The following UNKL variants were observed in gnomAD, a reference collection of about 807,000 sequenced individuals.
UNKL encodes the protein unk like zinc finger, also known as putative E3 ubiquitin-protein ligase UNKL.
A neutral mutation model predicts 78.0 loss-of-function variants in UNKL; 60 were observed. That is an observed-to-expected ratio of 0.77 (90% confidence interval 0.63 to 0.95). UNKL has a LOEUF of 0.95. Ranked by LOEUF, UNKL falls within the 40% of genes least tolerant of loss-of-function variation. The pLI is 0.00. For missense variants in UNKL, 1,159 were observed against 1,045.7 expected, an observed-to-expected ratio of 1.11 and a Z score of -1.49; for synonymous variants, 608 against 474.8, an observed-to-expected ratio of 1.28 and a Z score of -3.65.
intron 5 of UNKL, chr16:1,398,864 G>C (rs759978868): frequency 4.1e-5 from 65 of 1,575,448 alleles, no homozygotes; most frequent in Non-Finnish European, 5.4e-5. Flanking sequence ...GGAAGGTCCT[G>C]TGTGCACCCT....
chr16:1,399,687 G>A lies in UNKL; in HGVS notation c.599-178C>T. The A allele has an allele frequency of 1.0e-6, 1 of 954,456 alleles. No individual in the cohort carries two copies. Among genetic ancestry groups the A allele is most frequent in the Admixed American group, 2.9e-5 (1 of 34,698 alleles). The allele number at this position is 954,456 out of a possible 1,614,324, so 59.1% of individuals were successfully genotyped here. A position where few individuals can be genotyped will look rare whatever the true frequency, so the allele number is the denominator to read the frequency against. On this transcript the variant is annotated intron_variant, in intron 4 of 14. Coordinates refer to ENST00000389221, the MANE Select transcript of UNKL (RefSeq NM_001372107.1). This position sits in a 1 kb window ranked among gnomAD's most constrained non-coding sequence, Gnocchi z 5.8. Reference sequence around the variant, plus strand: ...GTCAAAGGACTCGCGCTCCATGAGGGAAGCCGGGCCAGAAGGCCACGTGGT... The same window carrying A: ...GTCAAAGGACTCGCGCTCCATGAGGAAAGCCGGGCCAGAAGGCCACGTGGT...
Position 1,399,913 on chromosome 16 carries a change from G to T in UNKL, c.599-404C>A, listed in dbSNP as rs1320524168. On this transcript the variant is annotated intron_variant, in intron 4 of 14. Coordinates refer to ENST00000389221, the MANE Select transcript of UNKL (RefSeq NM_001372107.1). The surrounding 1 kb of genome is among the most constrained non-coding windows in gnomAD (Gnocchi z 5.8). ...TAAAATCCAGAGACATGCACACCCC[G>T]AAATGCCGCATGGTGAGCCTCATGC... 6.6e-6 allele frequency among the ~76,000 whole-genome samples: 1 copy of T among 151,090 alleles called. No homozygotes were observed. Among genetic ancestry groups the T allele is most frequent in the Admixed American group, 6.7e-5 (1 of 15,032 alleles).
At chr16:1,402,623 A>G (rs1170244953) in intron 3 of UNKL, among the ~76,000 whole-genome samples, 1 of 150,708 alleles carries the variant, frequency 6.6e-6, no homozygotes, top group South Asian at 2.1e-4. Flanking sequence ...AGATCACGCC[A>G]CTGCACTCCA....
chr16:1,405,718 G>A (rs1016242888), intron 2 of UNKL, among the ~76,000 whole-genome samples: 1 of 151,954 alleles, frequency 6.6e-6, no homozygotes, highest in Non-Finnish European at 1.5e-5. Context: ...AGCCCCCGGG[G>A]GTCGGGTGAC....
At chr16:1,404,719 G>A (rs562553489) in intron 2 of UNKL, among the ~76,000 whole-genome samples, 78 of 152,336 alleles carry the variant, frequency 5.1e-4, no homozygotes, top group Admixed American at 1.7e-3. Context: ...ACCCAAGTGG[G>A]CGCCAATGGA....
chr16:1,382,832 C>T (rs2036653165), intron 10 of UNKL, among the ~76,000 whole-genome samples: 1 of 152,010 alleles, frequency 6.6e-6, no homozygotes, highest in Non-Finnish European at 1.5e-5. Context: ...GTGGCAGGCG[C>T]CTATAGTCCC....
chr16:1,368,608 C>CAAAAAAA (rs757374554), intron 12 of UNKL, among the ~76,000 whole-genome samples: 1 of 42,148 alleles, frequency 2.4e-5, no homozygotes, highest in African/African-American at 9.2e-5. Flanking sequence ...GACTCCGTCT[C>CAAAAAAA]AAAAAAAAAA....
At chr16:1,408,252 T>A (rs1032047545) in intron 2 of UNKL, among the ~76,000 whole-genome samples, 23 of 84,740 alleles carry the variant, frequency 2.7e-4, no homozygotes, top group Non-Finnish European at 4.9e-4. Flanking sequence ...CACGCCCACA[T>A]GGGAGCTGCC....
rs1003062679 is a variant in UNKL at position 1,387,362 on chromosome 16, G to GC, written c.1087-1978dup. 1.4e-4 allele frequency among the ~76,000 whole-genome samples: 22 copies of GC among 152,194 alleles called. No homozygotes were observed. The highest frequency in any genetic ancestry group is 5.3e-4 in the African/African-American group (22 of 41,456). On this transcript the variant is annotated intron_variant, in intron 9 of 14. Coordinates refer to ENST00000389221, the MANE Select transcript of UNKL (RefSeq NM_001372107.1). This position sits in a 1 kb window ranked among gnomAD's most constrained non-coding sequence, Gnocchi z 4.1. ...CACTATGGGTGATTCGAGACCTGGT[G>GC]CCATCTCAGTGGCAACCCGCCCCCT...
chr16:1,390,923 G>A (rs113027745), intron 8 of UNKL, among the ~76,000 whole-genome samples: 23 of 152,198 alleles, frequency 1.5e-4, no homozygotes, highest in Admixed American at 1.2e-3. Flanking sequence ...TCAGCTCCTC[G>A]AGAGGCTGAG....
chr16:1,369,844 G>T (rs771611520), intron 12 of UNKL: 2 of 1,128,354 alleles, frequency 1.8e-6, no homozygotes, highest in Non-Finnish European at 2.5e-6. Flanking sequence ...GCGTGGTGGC[G>T]CCCGCCTGTA....
intron 6 of UNKL, chr16:1,394,443 G>A (rs112052381): frequency 7.3e-6 from 5 of 684,546 alleles, no homozygotes; most frequent in African/African-American, 5.3e-5. Flanking sequence ...GGCCATTCCC[G>A]CAGCATCTGC....
intron 6 of UNKL, chr16:1,394,489 T>C (rs1394760830): frequency 1.6e-6 from 1 of 627,118 alleles, no homozygotes; most frequent in Non-Finnish European, 3.0e-6. Context: ...CCCCGCTTGA[T>C]ATTTTCTGAA....
At chr16:1,370,714 G>A (rs191587216) in intron 11 of UNKL, among the ~76,000 whole-genome samples, 69 of 152,328 alleles carry the variant, frequency 4.5e-4, no homozygotes, top group African/African-American at 1.5e-3. Context: ...CCCCTGAAAT[G>A]GTTTACTTTC....
At chr16:1,379,538 G>C (rs1228168080) in intron 10 of UNKL, 2 of 985,142 alleles carry the variant, frequency 2.0e-6, no homozygotes, top group East Asian at 1.1e-4. Context: ...CGCACCTGGC[G>C]GGGGGCGCAC....
rs2036875805 is a variant in UNKL, at chr16:1,387,805, C to G, written c.1087-2420G>C. Among the ~76,000 whole-genome samples the G allele has an allele frequency of 6.6e-6, 1 of 151,674 alleles. No homozygotes were observed. The highest frequency in any genetic ancestry group is 1.5e-5 in the Non-Finnish European group (1 of 67,840). Reference sequence around the variant, plus strand: ...CGGCCTGCGGAAGCCCTCCCCCACCCCCGCCTCATCCCATCTCTTGGCAGC... The same window carrying G: ...CGGCCTGCGGAAGCCCTCCCCCACCGCCGCCTCATCCCATCTCTTGGCAGC... On this transcript the variant is annotated intron_variant, in intron 9 of 14. Transcript: ENST00000389221. This position sits in a 1 kb window ranked among gnomAD's most constrained non-coding sequence, Gnocchi z 4.1.
intron 2 of UNKL, among the ~76,000 whole-genome samples, chr16:1,410,548 G>T (rs1391185767): frequency 1.3e-5 from 2 of 149,522 alleles, no homozygotes; most frequent in Admixed American, 1.3e-4. Context: ...TAGAGGTTGC[G>T]GTGAGCCGAG....
rs549495381 is a variant in UNKL, at chr16:1,401,830, A to G, written c.465-129T>C. 2.3e-6 allele frequency: 3 copies of G among 1,297,494 alleles called. 1 individual carries two copies. The East Asian group carries it at 7.6e-5, about 33-fold the overall frequency. 80.4% of individuals were successfully genotyped at this position (1,297,494 alleles called of 1,614,324 possible). A position where few individuals can be genotyped will look rare whatever the true frequency, so the allele number is the denominator to read the frequency against. On this transcript the variant is annotated intron_variant, in intron 3 of 14. Coordinates refer to ENST00000389221, the MANE Select transcript of UNKL (RefSeq NM_001372107.1). ...GCTGCTGCCGAAGGGTTCAGGACGGAGTCTCAGTGTGTGGCGCTCCGCTGT... is the reference window on the plus strand; with the variant it reads ...GCTGCTGCCGAAGGGTTCAGGACGGGGTCTCAGTGTGTGGCGCTCCGCTGT...
chr16:1,396,260 G>GC, intron 6 of UNKL, among the ~76,000 whole-genome samples: 1 of 133,784 alleles, frequency 7.5e-6, no homozygotes, highest in East Asian at 2.4e-4. Flanking sequence ...GTTTTGTTTT[G>GC]TTTTTTTTCC....
Sources: allele counts gnomAD v4.1 joint callset (sites outside exome capture counted in the v4.1 genomes callset), GRCh38; gene constraint gnomAD v4.1.1; non-coding constraint Gnocchi (gnomAD v3.1); transcripts MANE v1.5; gene names NCBI Gene and HGNC (gene_info 2026-07-23, HGNC 2026-07-21).